NBL1: variants seen among roughly 807,000 people sequenced by gnomAD.
NBL1 encodes the protein neuroblastoma suppressor of tumorigenicity 1.
A neutral mutation model predicts 16.0 loss-of-function variants in NBL1; 9 were observed. The ratio of observed to expected loss-of-function variants is 0.56; its 90% CI spans 0.34 to 0.98. The LOEUF is 0.98. Ranked by LOEUF, NBL1 falls within the 50% of genes least tolerant of loss-of-function variation. The probability of loss-of-function intolerance (pLI) is 0.02; values close to 1 mark genes in which losing one functional copy is unlikely to be tolerated. For missense variants in NBL1, 196 were observed against 243.1 expected (o/e 0.81, Z 1.29); for synonymous variants, 86 against 100.7 (o/e 0.85, Z 0.87).
chr1:19,644,142 C>T (rs2094962837), upstream of NBL1: 1 of 979,676 alleles, frequency 1.0e-6, no homozygotes, highest in Non-Finnish European at 1.2e-6. This position sits in a 1 kb window ranked among gnomAD's most constrained non-coding sequence, Gnocchi z 4.6. Flanking sequence ...GGCCCGGGGC[C>T]CCTGCCGCCG....
intron 1 of NBL1, among the ~76,000 whole-genome samples, chr1:19,648,833 C>G (rs1309844459): frequency 6.6e-6 from 1 of 152,144 alleles, no homozygotes; most frequent in Non-Finnish European, 1.5e-5. Flanking sequence ...TTTAAAGCCT[C>G]ACGGCGCCCC....
chr1:19,653,617 G>T (rs1364328270), intron 1 of NBL1, among the ~76,000 whole-genome samples: 1 of 152,210 alleles, frequency 6.6e-6, no homozygotes, highest in Non-Finnish European at 1.5e-5. Flanking sequence ...CACTGGCCTG[G>T]CTCACTGCAC....
chr1:19,646,138 C>G, intron 1 of NBL1: 3 of 1,323,968 alleles, frequency 2.3e-6, no homozygotes, highest in Non-Finnish European at 3.1e-6. Context: ...TGTGTCCGCC[C>G]TCTGGACAGT....
chr1:19,654,477 A>C (rs1451507988), intron 1 of NBL1, among the ~76,000 whole-genome samples: 5 of 152,160 alleles, frequency 3.3e-5, no homozygotes, highest in Non-Finnish European at 7.4e-5. Context: ...AATCCTGACA[A>C]TGGTTGCAGT....
chr1:19,645,718 C>T, intron 1 of NBL1: 1 of 1,328,134 alleles, frequency 7.5e-7, no homozygotes, highest in Non-Finnish European at 9.7e-7. Flanking sequence ...TCGGTGACCC[C>T]TACCCCTCTC....
intron 1 of NBL1, among the ~76,000 whole-genome samples, chr1:19,649,671 T>C (rs1025196606): frequency 2.0e-5 from 3 of 152,020 alleles, no homozygotes; most frequent in African/African-American, 7.3e-5. Context: ...CATAGAATTA[T>C]AATACTGTAT....
At position 19,655,440 on chromosome 1, in the gene NBL1, G is replaced by C; in HGVS notation, c.282+5G>C. 6.2e-7 allele frequency: 1 copy of C among 1,613,834 alleles called. No homozygotes were observed. Among genetic ancestry groups the C allele is most frequent in the Non-Finnish European group, 8.5e-7 (1 of 1,179,928 alleles). ...GCCCAGTCCATGTGGGAGATTGTGA[G>C]TACTGCCTGCCTGCCCCACCCAGTC... is the stretch of plus-strand genomic sequence containing the variant. On this transcript the variant is annotated splice_donor_5th_base_variant and intron_variant, in intron 3 of 3. Coordinates refer to ENST00000375136, the MANE Select transcript of NBL1 (RefSeq NM_005380.8).
chr1:19,656,855 G>A lies in NBL1; in HGVS notation c.283-11G>A. The A allele has an allele frequency of 6.2e-7, 1 of 1,604,430 alleles. No individual in the cohort carries two copies. Among genetic ancestry groups the A allele is most frequent in the South Asian group, 1.1e-5 (1 of 90,414 alleles). ...GGGAACATGCCTCTGCTTCTCTCTT[G>A]CCCTCTGCAGGTGACGCTGGAGTGC... is the stretch of plus-strand genomic sequence containing the variant. On this transcript the variant is annotated splice_polypyrimidine_tract_variant and intron_variant, in intron 3 of 3. Transcript: ENST00000375136.
intron 3 of NBL1, among the ~76,000 whole-genome samples, chr1:19,656,469 C>T (rs950523939): frequency 6.6e-6 from 1 of 151,398 alleles, no homozygotes; most frequent in African/African-American, 2.4e-5. Flanking sequence ...AGGCAGAGCC[C>T]AAGCACAGGA....
chr1:19,654,335 C>T (rs1359532466), intron 1 of NBL1, among the ~76,000 whole-genome samples: 3 of 152,092 alleles, frequency 2.0e-5, no homozygotes, highest in East Asian at 1.9e-4. Context: ...CCAGGGAAGT[C>T]GAGGCTTCAG....
chr1:19,643,493 C>T, upstream of NBL1: 1 of 1,551,238 alleles, frequency 6.4e-7, no homozygotes. This position sits in a 1 kb window ranked among gnomAD's most constrained non-coding sequence, Gnocchi z 4.7. Flanking sequence ...TATTTTCTCA[C>T]CCCGTTGTTA....
chr1:19,650,224 C>A (rs1164937501), intron 1 of NBL1, among the ~76,000 whole-genome samples: 2 of 152,208 alleles, frequency 1.3e-5, no homozygotes, highest in African/African-American at 4.8e-5. Context: ...GGTTTGAGTT[C>A]ACTCTATCAC....
intron 1 of NBL1, 86 bp from the exon 2 acceptor site, chr1:19,654,926 T>G: frequency 4.2e-6 from 6 of 1,436,780 alleles, no homozygotes; most frequent in South Asian, 3.0e-5. Flanking sequence ...CGCCAAGGAG[T>G]CGGATGCCAG....
At chr1:19,646,876 C>T (rs12736790) in intron 1 of NBL1, among the ~76,000 whole-genome samples, 17,750 of 152,272 alleles carry the variant, frequency 0.12, 1,092 homozygotes, top group South Asian at 0.17. Flanking sequence ...AGTTTCACCT[C>T]AAGGTTTTCC....
intron 1 of NBL1, among the ~76,000 whole-genome samples, chr1:19,652,849 G>A (rs924289044): frequency 6.6e-6 from 1 of 152,070 alleles, no homozygotes; most frequent in Non-Finnish European, 1.5e-5. Context: ...TCAGCCAGGT[G>A]TGGTGGCGAA....
chr1:19,645,412 C>T, intron 1 of NBL1: 1 of 987,408 alleles, frequency 1.0e-6, no homozygotes. Flanking sequence ...CCTGCCTTGG[C>T]GTGGCCGGAG....
chr1:19,654,718 A>C (rs1347168457), intron 1 of NBL1, among the ~76,000 whole-genome samples: 1 of 152,108 alleles, frequency 6.6e-6, no homozygotes, highest in African/African-American at 2.4e-5. Flanking sequence ...TAACTTGCTC[A>C]AGGCAATTTA....
rs1222309759 is a variant in NBL1, at chr1:19,647,864, T to C, written c.-20+3418T>C. Among the ~76,000 whole-genome samples the C allele has an allele frequency of 8.6e-5, 10 of 115,806 alleles. No homozygotes were observed. The South Asian group carries it at 9.3e-4, about 11-fold the overall frequency. The allele number at this position is 115,806 out of a possible 152,430, so 76.0% of individuals were successfully genotyped here. ...AGGAAAGGCCTGGTGTGTGTGTGTG[T>C]GCGTGTGTGTGTGTGTGTGCGTGTG... On this transcript the variant is annotated intron_variant, in intron 1 of 3. Transcript: ENST00000375136.
At chr1:19,645,723 C>T (rs548654339) in intron 1 of NBL1, 92 of 1,335,674 alleles carry the variant, frequency 6.9e-5, no homozygotes, top group Non-Finnish European at 8.4e-5. Context: ...GACCCCTACC[C>T]CTCTCCACCC....
Sources: gnomAD v4.1 joint callset for allele counts (sites outside exome capture counted in the v4.1 genomes callset) on GRCh38, gnomAD v4.1.1 for gene constraint, Gnocchi (gnomAD v3.1) non-coding constraint, MANE v1.5 for transcripts, NCBI Gene and HGNC (gene_info 2026-07-23, HGNC 2026-07-21) for gene names.